Variants in STX18 observed in about 807,000 individuals in gnomAD.
STX18 encodes the protein syntaxin-18.
A neutral mutation model predicts 50.1 loss-of-function variants in STX18; 40 were observed. The ratio of observed to expected loss-of-function variants is 0.80; its 90% CI spans 0.62 to 1.04. The LOEUF is 1.04. STX18 is among the 50% of genes least tolerant of loss of function. The pLI is 0.00. For missense variants in STX18, 410 were observed against 415.8 expected, an observed-to-expected ratio of 0.99 and a Z score of 0.12; for synonymous variants, 158 against 151.8, an observed-to-expected ratio of 1.04 and a Z score of -0.30.
chr4:4,475,637 T>G (rs941249722), intron 1 of STX18, among the ~76,000 whole-genome samples: 9 of 152,258 alleles, frequency 5.9e-5, no homozygotes, highest in African/African-American at 1.9e-4. Flanking sequence ...TAAAGACTCT[T>G]GGCCAAGCTT....
At chr4:4,436,516 CAG>C (rs1384269470) in intron 6 of STX18, among the ~76,000 whole-genome samples, 1 of 149,316 alleles carries the variant, frequency 6.7e-6, no homozygotes, top group Admixed American at 6.9e-5. Flanking sequence ...AAATTAGAAA[CAG>C]AAACCTTGTT....
chr4:4,532,404 C>T (rs978296820), intron 1 of STX18, among the ~76,000 whole-genome samples: 3 of 151,750 alleles, frequency 2.0e-5, no homozygotes, highest in African/African-American at 7.3e-5. Context: ...ACTTTTAAAT[C>T]AAATACATTT....
intron 1 of STX18, among the ~76,000 whole-genome samples, chr4:4,511,562 A>G (rs186021707): frequency 6.6e-6 from 1 of 152,294 alleles, no homozygotes; most frequent in African/African-American, 2.4e-5. Flanking sequence ...AAGGCAGTCT[A>G]GAAGTAGCTA....
chr4:4,512,921 G>A (rs1303306356), intron 1 of STX18, among the ~76,000 whole-genome samples: 2 of 152,112 alleles, frequency 1.3e-5, no homozygotes, highest in African/African-American at 4.8e-5. Context: ...TCAGTCAACA[G>A]AAGACCATAA....
At chr4:4,452,138 A>G (rs1418371006) in intron 5 of STX18, among the ~76,000 whole-genome samples, 1 of 151,686 alleles carries the variant, frequency 6.6e-6, no homozygotes. Context: ...ATTCAGCGCA[A>G]GGCCCTAACT....
intron 1 of STX18, chr4:4,478,702 C>T (rs1347085391): frequency 1.3e-5 from 2 of 152,292 alleles, no homozygotes; most frequent in Non-Finnish European, 2.9e-5. Flanking sequence ...TGCCATGCAT[C>T]ATGTGGAGGG....
chr4:4,485,257 T>C (rs1323475231), intron 1 of STX18, among the ~76,000 whole-genome samples: 1 of 152,134 alleles, frequency 6.6e-6, no homozygotes, highest in Non-Finnish European at 1.5e-5. Context: ...CTGTGAAGAG[T>C]CTGACACTGT....
intron 1 of STX18, among the ~76,000 whole-genome samples, chr4:4,495,873 C>G (rs762189381): frequency 6.6e-6 from 1 of 152,056 alleles, no homozygotes; most frequent in Non-Finnish European, 1.5e-5. Context: ...AATAGAATAG[C>G]AGAGCAGTGG....
chr4:4,445,592 TA>T (rs904266953), intron 5 of STX18, among the ~76,000 whole-genome samples: 32 of 147,086 alleles, frequency 2.2e-4, no homozygotes, highest in East Asian at 1.6e-3. Flanking sequence ...TACAATAGAA[TA>T]AAAAAAAAAT....
chr4:4,532,564 C>T (rs1731151263), intron 1 of STX18, among the ~76,000 whole-genome samples: 3 of 152,044 alleles, frequency 2.0e-5, no homozygotes, highest in African/African-American at 7.2e-5. Flanking sequence ...AAAATACATC[C>T]TGGGACTTTC....
chr4:4,422,524 G>A (rs1325464940), intron 9 of STX18, among the ~76,000 whole-genome samples: 1 of 146,124 alleles, frequency 6.8e-6, no homozygotes, highest in Non-Finnish European at 1.5e-5. Context: ...AGCCAAGATA[G>A]CAACATTGCA....
chr4:4,471,189 C>T (rs1179158898), intron 2 of STX18, among the ~76,000 whole-genome samples: 3 of 152,142 alleles, frequency 2.0e-5, no homozygotes, highest in Non-Finnish European at 2.9e-5. Flanking sequence ...GATCCAGCGA[C>T]GTGAGGGTAA....
chr4:4,457,748 A>T (rs1205051757), intron 3 of STX18, among the ~76,000 whole-genome samples: 2 of 152,264 alleles, frequency 1.3e-5, no homozygotes, highest in Non-Finnish European at 2.9e-5. Context: ...ACTTAAGGAT[A>T]GTATTTGACG....
intron 1 of STX18, among the ~76,000 whole-genome samples, chr4:4,501,818 T>C (rs946355587): frequency 6.6e-6 from 1 of 152,222 alleles, no homozygotes; most frequent in Non-Finnish European, 1.5e-5. Flanking sequence ...TTTAAATACA[T>C]AACCCAGTTT....
At chr4:4,452,130 T>G (rs1254667446) in intron 5 of STX18, among the ~76,000 whole-genome samples, 1 of 151,846 alleles carries the variant, frequency 6.6e-6, no homozygotes, top group African/African-American at 2.4e-5. Context: ...AAAGCCTAAT[T>G]CAGCGCAAGG....
chr4:4,507,815 TAAAAAAAAAA>T (rs879049430), intron 1 of STX18: 2 of 218,724 alleles, frequency 9.1e-6, no homozygotes, highest in East Asian at 7.7e-5. Context: ...ATATTCACAG[TAAAAAAAAAA>T]AAAAAAAAAA....
intron 5 of STX18, among the ~76,000 whole-genome samples, chr4:4,445,398 C>T (rs1233150987): frequency 2.0e-5 from 3 of 151,598 alleles, no homozygotes. Flanking sequence ...AAGAACGAAA[C>T]TACGTCTCAA....
intron 2 of STX18, among the ~76,000 whole-genome samples, chr4:4,470,232 G>GT (rs1283142423): frequency 6.6e-6 from 1 of 152,150 alleles, no homozygotes; most frequent in East Asian, 1.9e-4. Context: ...TTTGGGCCGG[G>GT]TAAGTCCCTG....
chr4:4,444,391 T>C (rs1401304665), intron 5 of STX18, among the ~76,000 whole-genome samples: 2 of 152,214 alleles, frequency 1.3e-5, no homozygotes, highest in African/African-American at 2.4e-5. Flanking sequence ...GGCTGGAGAC[T>C]GAGTTAACTA....
Sources: allele counts gnomAD v4.1 joint callset (sites outside exome capture counted in the v4.1 genomes callset), GRCh38; gene constraint gnomAD v4.1.1; transcripts MANE v1.5; gene names NCBI Gene and HGNC (gene_info 2026-07-23, HGNC 2026-07-21).